The following KAZN variants were observed in gnomAD, a reference collection of about 807,000 sequenced individuals.
KAZN encodes the protein kazrin.
In KAZN, 40 loss-of-function variants were observed where a neutral mutation model predicts 87.4. The observed-to-expected ratio is 0.46, with a 90% CI of 0.36 to 0.60. The LOEUF is 0.60. KAZN is among the 20% of genes least tolerant of loss of function. The pLI is 0.00. For synonymous variants in KAZN, 466 were observed against 458.3 expected (o/e 1.02, Z -0.22); for missense variants, 898 against 1,073.9 (o/e 0.84, Z 2.29).
chr1:13,955,457 TA>T (rs1641510331), intron 1 of KAZN, among the ~76,000 whole-genome samples: 1 of 152,132 alleles, frequency 6.6e-6, no homozygotes, highest in African/African-American at 2.4e-5. Context: ...TTTTAAAGTA[TA>T]TTTTTGGGAT....
At chr1:14,560,840 T>C (rs1457757359) in intron 2 of KAZN, among the ~76,000 whole-genome samples, 1 of 152,104 alleles carries the variant, frequency 6.6e-6, no homozygotes, top group Non-Finnish European at 1.5e-5. Flanking sequence ...TTCTGGTTGT[T>C]ATCTCAGGTA....
chr1:14,050,671 GA>G (rs1294133375), intron 1 of KAZN, among the ~76,000 whole-genome samples: 2 of 152,112 alleles, frequency 1.3e-5, no homozygotes, highest in Admixed American at 6.5e-5. Context: ...TTTGGGTGGG[GA>G]TGCAGAGCCA....
chr1:15,114,481 G>C lies in KAZN; in HGVS notation c.2174G>C (p.Gly725Ala). Residue 725 changes from glycine to alanine, a missense_variant, in exon 15 of 15, where the codon GGG becomes GCG. By Grantham distance (60) the Gly-to-Ala change is moderately conservative. Around this residue, in one of 3 missense-constraint regions of KAZN, gnomAD observed 127 missense variants for 121.5 expected, o/e 1.04. Coordinates refer to ENST00000376030, the MANE Select transcript of KAZN (RefSeq NM_201628.3). ...LKYKAGRLPL[G>A]KIGRGFSSKD... ...TTCTTCTCTTCTCAGCTGCCCCTGGGGAAGATAGGAAGGGGCTTCAGCAGC... is the reference window on the plus strand; with the variant it reads ...TTCTTCTCTTCTCAGCTGCCCCTGGCGAAGATAGGAAGGGGCTTCAGCAGC... The C allele has an allele frequency of 6.2e-7, 1 of 1,610,386 alleles. No individual in the cohort carries two copies.
intron 1 of KAZN, among the ~76,000 whole-genome samples, chr1:14,606,340 G>A (rs776467563): frequency 2.6e-5 from 4 of 152,168 alleles, no homozygotes; most frequent in Non-Finnish European, 5.9e-5. Flanking sequence ...ACTGGTGGTA[G>A]TTCCTGGGTC....
At chr1:14,143,184 T>C (rs566620396) in intron 1 of KAZN, among the ~76,000 whole-genome samples, 4 of 152,286 alleles carry the variant, frequency 2.6e-5, no homozygotes, top group South Asian at 2.1e-4. Context: ...GAAGAAAGCA[T>C]TGTTGCTCAG....
chr1:15,104,110 G>T lies in KAZN; in HGVS notation c.1969G>T (p.Ala657Ser), dbSNP rs1276347336. ...ATTCAATGCCGAGGCCATGGCCACT[G>T]CCCTGGGCATCCCCAGTGGGAAGCA... ...PTFNAEAMAT[A>S]LGIPSGKHIL... Residue 657 changes from alanine (A) to serine (S), a missense_variant, in exon 13 of 15, where the codon GCC becomes TCC. By Grantham distance (99) the Ala-to-Ser change is moderately conservative (BLOSUM62 1). This residue lies in a region of KAZN where 521 missense variants were observed against 689.4 expected (regional missense o/e 0.76). Transcript: ENST00000376030. 6.2e-7 allele frequency: 1 copy of T among 1,611,822 alleles called. No individual in the cohort carries two copies. The highest frequency in any genetic ancestry group is 1.1e-5 in the South Asian group (1 of 90,300).
intron 2 of KAZN, among the ~76,000 whole-genome samples, chr1:14,362,373 C>G (rs1659594943): frequency 6.6e-6 from 1 of 152,196 alleles, no homozygotes; most frequent in African/African-American, 2.4e-5. Flanking sequence ...TGGCAACTTG[C>G]TTTTTCAAAG....
In KAZN at chr1:14,192,123, T is replaced by C. The variant is rs561294421; in HGVS notation, c.249+11531T>C. Among the ~76,000 whole-genome samples the C allele has an allele frequency of 2.0e-5, 3 of 151,944 alleles. No individual in the cohort carries two copies. The South Asian group carries it at 6.2e-4, about 32-fold the overall frequency. ...AGCCAATTCGTGGTACCCCCAAACA[T>C]AGACATAGAGGAAACTCCACAGGGA... On this transcript the variant is annotated intron_variant, in intron 2 of 16. Transcript: ENST00000636203.
upstream of KAZN, among the ~76,000 whole-genome samples, chr1:14,595,513 AC>A (rs1264477182): frequency 6.6e-6 from 1 of 151,744 alleles, no homozygotes; most frequent in African/African-American, 2.4e-5. Flanking sequence ...CCCTGTCTCT[AC>A]TAAAAATACA....
intron 1 of KAZN, among the ~76,000 whole-genome samples, chr1:13,908,162 G>A (rs1053257323): frequency 2.0e-5 from 3 of 152,216 alleles, no homozygotes; most frequent in Admixed American, 6.5e-5. Context: ...TACTGAAGAC[G>A]TGGTTTATTT....
intron 1 of KAZN, among the ~76,000 whole-genome samples, chr1:14,152,025 T>G (rs143963655): frequency 3.9e-5 from 6 of 152,352 alleles, no homozygotes; most frequent in Non-Finnish European, 8.8e-5. Context: ...TTTTAAAAAA[T>G]ATTTTAATTT....
At chr1:14,515,594 G>A (rs12044338) in intron 2 of KAZN, among the ~76,000 whole-genome samples, 23,194 of 152,036 alleles carry the variant, frequency 0.15, 2,885 homozygotes, top group African/African-American at 0.34. Context: ...TGAGCTCCAG[G>A]CCACTAACCT....
chr1:15,017,804 CA>C lies in KAZN; in HGVS notation c.419-16934del, dbSNP rs199518294. On this transcript the variant is annotated intron_variant, in intron 2 of 14. Transcript: ENST00000376030. ...GGGCAACAAGAGCGAAACTCCATCT[CA>C]AAAAAAAAAAGCCTTAGAATTCTGG... Among the ~76,000 whole-genome samples the C allele has an allele frequency of 4.6e-3, 646 of 141,424 alleles. 1 individual carries two copies. Among genetic ancestry groups the C allele is most frequent in the African/African-American group, 0.014 (546 of 38,596 alleles). 92.8% of individuals were successfully genotyped at this position (141,424 alleles called of 152,430 possible).
intron 1 of KAZN, among the ~76,000 whole-genome samples, chr1:14,850,334 T>G (rs61772359): frequency 0.054 from 8,249 of 152,248 alleles, 327 homozygotes; most frequent in Admixed American, 0.11. Context: ...ACCTTGGCAT[T>G]CTACTAACCC....
intron 1 of KAZN, among the ~76,000 whole-genome samples, chr1:14,934,077 G>T (rs182261806): frequency 3.3e-5 from 5 of 151,684 alleles, no homozygotes; most frequent in African/African-American, 4.8e-5. Context: ...GGATGGTCTC[G>T]ATCTCCTGAC....
intron 2 of KAZN, among the ~76,000 whole-genome samples, chr1:14,514,595 T>TTATATATA (rs754845099): frequency 3.3e-4 from 22 of 66,528 alleles, no homozygotes; most frequent in African/African-American, 8.7e-4. Flanking sequence ...TTTTTATATT[T>TTATATATA]TATATATATA....
At chr1:14,117,853 G>A (rs915753445) in intron 1 of KAZN, among the ~76,000 whole-genome samples, 2 of 152,154 alleles carry the variant, frequency 1.3e-5, no homozygotes, top group Non-Finnish European at 2.9e-5. Context: ...GGACTGAAAT[G>A]TTAGCTCATG....
At chr1:14,002,854 A>T (rs546390513) in intron 1 of KAZN, among the ~76,000 whole-genome samples, 1 of 152,292 alleles carries the variant, frequency 6.6e-6, no homozygotes, top group African/African-American at 2.4e-5. Flanking sequence ...CCCATTACTG[A>T]GTATATACCC....
chr1:14,266,439 A>G (rs901271842), intron 2 of KAZN, among the ~76,000 whole-genome samples: 2 of 152,232 alleles, frequency 1.3e-5, no homozygotes, highest in Non-Finnish European at 2.9e-5. Flanking sequence ...ACCACACGCT[A>G]ATTGATACAA....
Sources: gnomAD v4.1 joint callset for allele counts (sites outside exome capture counted in the v4.1 genomes callset) on GRCh38, gnomAD v4.1.1 for gene constraint, gnomAD v4.1.1 regional missense constraint, MANE v1.5 for transcripts, NCBI Gene and HGNC (gene_info 2026-07-23, HGNC 2026-07-21) for gene names.